The following CNTNAP5 variants were observed in gnomAD, a reference collection of about 807,000 sequenced individuals.
CNTNAP5 encodes the protein contactin-associated protein-like 5.
Under a neutral mutation model 150.2 loss-of-function variants are expected in CNTNAP5, and 72 were observed. The ratio of observed to expected loss-of-function variants is 0.48; its 90% CI spans 0.40 to 0.58. The LOEUF (loss-of-function observed/expected upper bound fraction) is 0.58, where lower values mean the gene tolerates loss of function less well. Among genes scored for constraint, CNTNAP5 ranks in the 20% least tolerant of loss-of-function variants. The pLI, the probability that CNTNAP5 is intolerant of heterozygous loss-of-function variation, is 0.00. For synonymous variants in CNTNAP5, 672 were observed against 619.8 expected (o/e 1.08, Z -1.25); for missense variants, 1,636 against 1,626.2 (o/e 1.01, Z -0.10).
In CNTNAP5 at chr2:124,920,635, C is replaced by T. The variant is rs150431890; in HGVS notation, c.*6347C>T. Among the ~76,000 whole-genome samples the T allele has an allele frequency of 4.3e-4, 66 of 152,278 alleles. No individual in the cohort carries two copies. The highest frequency in any genetic ancestry group is 3.5e-3 in the South Asian group (17 of 4,826). ...GATATCCTGTGTTGCCTTGGACTAA[C>T]ATTTTCCTTAGTCACTAGCCTAGGG... On this transcript the variant is annotated 3_prime_UTR_variant, in exon 24 of 24. Coordinates refer to ENST00000682447, the MANE Select transcript of CNTNAP5 (RefSeq NM_001367498.1).
intron 12 of CNTNAP5, among the ~76,000 whole-genome samples, chr2:124,623,240 C>A (rs1334429085): frequency 6.6e-6 from 1 of 152,108 alleles, no homozygotes; most frequent in Non-Finnish European, 1.5e-5. Context: ...GGAAAAAATG[C>A]CCATGTCTTC....
At chr2:124,532,544 GC>G (rs1350905336) in intron 10 of CNTNAP5, among the ~76,000 whole-genome samples, 1 of 152,138 alleles carries the variant, frequency 6.6e-6, no homozygotes, top group Non-Finnish European at 1.5e-5. Flanking sequence ...AAGGTGTGAA[GC>G]CAAACCAGGA....
At chr2:124,592,715 G>A (rs974872994) in intron 11 of CNTNAP5, among the ~76,000 whole-genome samples, 12 of 151,154 alleles carry the variant, frequency 7.9e-5, no homozygotes, top group South Asian at 4.2e-4. Flanking sequence ...TATAAGTAAC[G>A]TCAGACATCT....
intron 1 of CNTNAP5, among the ~76,000 whole-genome samples, chr2:124,117,386 T>G (rs1030790214): frequency 6.6e-6 from 1 of 152,152 alleles, no homozygotes; most frequent in African/African-American, 2.4e-5. Flanking sequence ...GAGACTTTAT[T>G]ATGAGTCCTT....
intron 3 of CNTNAP5, among the ~76,000 whole-genome samples, chr2:124,256,742 A>T (rs993604725): frequency 6.6e-6 from 1 of 152,152 alleles, no homozygotes; most frequent in African/African-American, 2.4e-5. Flanking sequence ...TATTCTATGG[A>T]AGTGTATGTA....
At chr2:124,426,880 G>A (rs201846354) in intron 4 of CNTNAP5, among the ~76,000 whole-genome samples, 1 of 152,290 alleles carries the variant, frequency 6.6e-6, no homozygotes, top group East Asian at 1.9e-4. Flanking sequence ...CAGGATGGGG[G>A]AGCGCATGCT....
intron 3 of CNTNAP5, among the ~76,000 whole-genome samples, chr2:124,285,640 G>GAA (rs543856032): frequency 1.2e-4 from 18 of 144,018 alleles, no homozygotes; most frequent in Non-Finnish European, 1.8e-4. Flanking sequence ...TCCTCTGCAA[G>GAA]AAAAAAAAAA....
rs3980963 is a variant in CNTNAP5 at position 124,541,179 on chromosome 2, A to ATTTTTTTTTTTTTTTTTTTTTTTTTTTTT, written c.1649+13740_1649+13741insTTTTTTTTTTTTTTTTTTTTTTTTTTTTT. ...AGAGGATAAGAAGTACAAAATTCCG[A>ATTTTTTTTTTTTTTTTTTTTTTTTTTTTT]TTTTTTTTTTTTTTTTTGGTGAGAA... On this transcript the variant is annotated intron_variant, in intron 10 of 23. Transcript: ENST00000682447. Among the ~76,000 whole-genome samples the ATTTTTTTTTTTTTTTTTTTTTTTTTTTTT allele has an allele frequency of 1.6e-3, 129 of 83,026 alleles. 22 individuals are homozygous for ATTTTTTTTTTTTTTTTTTTTTTTTTTTTT. The highest frequency in any genetic ancestry group is 2.4e-3 in the Non-Finnish European group (105 of 43,636). 54.5% of individuals were successfully genotyped at this position (83,026 alleles called of 152,430 possible).
chr2:124,290,998 G>C (rs1318506016), intron 3 of CNTNAP5, among the ~76,000 whole-genome samples: 2 of 152,048 alleles, frequency 1.3e-5, no homozygotes, highest in Non-Finnish European at 2.9e-5. Flanking sequence ...ACTTGCCACA[G>C]TGACAGTCAC....
chr2:124,281,970 T>C (rs762145671), intron 3 of CNTNAP5, among the ~76,000 whole-genome samples: 1 of 152,084 alleles, frequency 6.6e-6, no homozygotes, highest in Non-Finnish European at 1.5e-5. Flanking sequence ...TCTTCACTCT[T>C]TTTCAGAAAC....
chr2:124,106,733 G>C (rs908890869), intron 1 of CNTNAP5, among the ~76,000 whole-genome samples: 8 of 152,180 alleles, frequency 5.3e-5, no homozygotes, highest in African/African-American at 1.9e-4. Context: ...TAGAAACTGA[G>C]GAGGGGTTTG....
At chr2:124,255,076 A>AT (rs1316774825) in intron 3 of CNTNAP5, among the ~76,000 whole-genome samples, 1 of 152,180 alleles carries the variant, frequency 6.6e-6, no homozygotes, top group Non-Finnish European at 1.5e-5. Context: ...AAAGTAACAG[A>AT]TTTTGTACTA....
intron 1 of CNTNAP5, among the ~76,000 whole-genome samples, chr2:124,194,359 A>G (rs1171864812): frequency 1.6e-5 from 2 of 123,478 alleles, no homozygotes; most frequent in African/African-American, 6.1e-5. Flanking sequence ...ACAGGTATAA[A>G]TTAGGTCATA....
At chr2:124,668,654 A>AT (rs1017577773) in intron 13 of CNTNAP5, among the ~76,000 whole-genome samples, 6 of 152,056 alleles carry the variant, frequency 3.9e-5, no homozygotes, top group African/African-American at 7.2e-5. Context: ...TGAAAACATC[A>AT]TTTTTTTCTA....
At chr2:124,553,440 G>T (rs946922321) in intron 10 of CNTNAP5, among the ~76,000 whole-genome samples, 2 of 149,894 alleles carry the variant, frequency 1.3e-5, no homozygotes, top group East Asian at 3.9e-4. Context: ...AGAGGTGGAG[G>T]TTGTAGTGAG....
At chr2:124,041,021 G>A (rs1049425553) in intron 1 of CNTNAP5, among the ~76,000 whole-genome samples, 3 of 152,078 alleles carry the variant, frequency 2.0e-5, no homozygotes, top group African/African-American at 7.2e-5. Flanking sequence ...AGCCATGAAT[G>A]GTCTGAGAAA....
chr2:124,757,578 T>C (rs1680867498), intron 14 of CNTNAP5, among the ~76,000 whole-genome samples: 1 of 152,212 alleles, frequency 6.6e-6, no homozygotes, highest in Non-Finnish European at 1.5e-5. Context: ...GGCCTTTCCA[T>C]TTGCAAATGA....
In CNTNAP5 at chr2:124,417,567, T is replaced by C. The variant is rs1691956622; in HGVS notation, c.506T>C (p.Val169Ala). The change falls in exon 4 of 24, where the codon GTC becomes GCC. Residue 169 changes from valine (V) to alanine (A), a missense_variant. Val to Ala is a moderately conservative substitution (Grantham distance 64). Coordinates refer to ENST00000682447, the MANE Select transcript of CNTNAP5 (RefSeq NM_001367498.1). Reference sequence around the variant, plus strand: ...CCCAGTGGGAAGATTGGCATGAGAGTCGAGGTCTACGGATGTTCCTATAGT... The same window carrying C: ...CCCAGTGGGAAGATTGGCATGAGAGCCGAGGTCTACGGATGTTCCTATAGT... Reference protein sequence around the residue: ...WNPSGKIGMRVEVYGCSYKSD... With the variant: ...WNPSGKIGMRAEVYGCSYKSD... 6.2e-7 allele frequency: 1 copy of C among 1,613,418 alleles called. No homozygotes were observed. Among genetic ancestry groups the C allele is most frequent in the African/African-American group, 1.3e-5 (1 of 74,906 alleles).
At chr2:124,908,520 C>G (rs1678587698) in intron 22 of CNTNAP5, among the ~76,000 whole-genome samples, 1 of 152,162 alleles carries the variant, frequency 6.6e-6, no homozygotes, top group Admixed American at 6.5e-5. Flanking sequence ...TCCTATAAGA[C>G]TATAACGGAG....
Sources: allele counts gnomAD v4.1 joint callset (sites outside exome capture counted in the v4.1 genomes callset), GRCh38; gene constraint gnomAD v4.1.1; transcripts MANE v1.5; gene names NCBI Gene and HGNC (gene_info 2026-07-23, HGNC 2026-07-21).